Variants in CNTN5 observed in about 807,000 individuals in gnomAD.
CNTN5 encodes the protein contactin-5.
CNTN5 carries 77 observed loss-of-function variants against 129.1 expected under a neutral mutation model. The ratio of observed to expected loss-of-function variants is 0.60; its 90% CI spans 0.50 to 0.72. The LOEUF (loss-of-function observed/expected upper bound fraction) is 0.72. Among genes scored for constraint, CNTN5 ranks in the 30% least tolerant of loss-of-function variants. The pLI is 0.00. For missense variants in CNTN5, 1,478 were observed against 1,328.8 expected (o/e 1.11, Z -1.75); for synonymous variants, 509 against 465.6 (o/e 1.09, Z -1.20).
At chr11:100,024,960 C>T (rs1941345012) in intron 9 of CNTN5, among the ~76,000 whole-genome samples, 1 of 152,166 alleles carries the variant, frequency 6.6e-6, no homozygotes, top group South Asian at 2.1e-4. Flanking sequence ...GACCCATTTT[C>T]TGAGGGGAAA....
Position 100,165,619 on chromosome 11 carries a change from G to C in CNTN5, c.1581-25507G>C, listed in dbSNP as rs924677069. Among the ~76,000 whole-genome samples, 9 of 151,808 alleles carry C rather than the reference G, an allele frequency of 5.9e-5. 1 individual carries two copies. Among genetic ancestry groups the C allele is most frequent in the African/African-American group, 2.2e-4 (9 of 41,486 alleles). ...TCAAAATAGTGAATTCCCTATCTCTGAAAGTTTAAACATAGAAGTTGAATC... is the reference window on the plus strand; with the variant it reads ...TCAAAATAGTGAATTCCCTATCTCTCAAAGTTTAAACATAGAAGTTGAATC... On this transcript the variant is annotated intron_variant, in intron 13 of 24. Coordinates refer to ENST00000524871, the MANE Select transcript of CNTN5 (RefSeq NM_014361.4).
At chr11:99,154,730 C>G (rs1334846313) in intron 1 of CNTN5, among the ~76,000 whole-genome samples, 1 of 152,052 alleles carries the variant, frequency 6.6e-6, no homozygotes, top group Non-Finnish European at 1.5e-5. Context: ...CAGGAAGCAC[C>G]CAGGTTGGAC....
chr11:99,727,591 T>C (rs1323374147), intron 3 of CNTN5, among the ~76,000 whole-genome samples: 1 of 107,782 alleles, frequency 9.3e-6, no homozygotes, highest in African/African-American at 3.8e-5. Flanking sequence ...TAAATTACTA[T>C]TGTCCTTTAA....
At chr11:99,885,009 G>A (rs1421660106) in intron 6 of CNTN5, among the ~76,000 whole-genome samples, 1 of 151,910 alleles carries the variant, frequency 6.6e-6, no homozygotes, top group Admixed American at 6.6e-5. Context: ...AAATCCAGGC[G>A]TGGTGGCTCA....
intron 3 of CNTN5, among the ~76,000 whole-genome samples, chr11:99,573,471 G>C (rs867991899): frequency 1.3e-5 from 2 of 151,986 alleles, no homozygotes; most frequent in South Asian, 4.2e-4. Flanking sequence ...TCGGGAGGCT[G>C]AGGCAGGAGA....
At chr11:99,981,103 T>TATATATATATATATATATATATAC (rs1014330113) in intron 8 of CNTN5, among the ~76,000 whole-genome samples, 11 of 54,494 alleles carry the variant, frequency 2.0e-4, no homozygotes, top group East Asian at 1.5e-3. Flanking sequence ...TATATATATA[T>TATATATATATATATATATATATAC]ACACACACAC....
chr11:99,975,754 A>C (rs1432409245), intron 8 of CNTN5, among the ~76,000 whole-genome samples: 1 of 152,056 alleles, frequency 6.6e-6, no homozygotes. Flanking sequence ...ACATATGGGG[A>C]TTACAATTTG....
intron 3 of CNTN5, among the ~76,000 whole-genome samples, chr11:99,723,179 C>T (rs1255550024): frequency 2.0e-5 from 3 of 151,908 alleles, no homozygotes; most frequent in Non-Finnish European, 4.4e-5. Flanking sequence ...TGTGCATATT[C>T]CTCAACTCCC....
At chr11:100,009,364 G>T (rs558228638) in intron 9 of CNTN5, among the ~76,000 whole-genome samples, 2 of 151,914 alleles carry the variant, frequency 1.3e-5, no homozygotes, top group African/African-American at 4.8e-5. Context: ...TGTCTGTAAA[G>T]GTATTTCCCC....
At chr11:100,208,584 T>G (rs1948961421) in intron 15 of CNTN5, among the ~76,000 whole-genome samples, 1 of 152,130 alleles carries the variant, frequency 6.6e-6, no homozygotes, top group Non-Finnish European at 1.5e-5. Flanking sequence ...CCATACCAGA[T>G]TTAAAGGGTA....
At chr11:99,522,967 A>G (rs1947324487) in intron 2 of CNTN5, among the ~76,000 whole-genome samples, 1 of 152,180 alleles carries the variant, frequency 6.6e-6, no homozygotes, top group South Asian at 2.1e-4. Flanking sequence ...ACACACACTA[A>G]ATTCCAAAAA....
At chr11:99,300,560 A>G (rs750765311) in intron 1 of CNTN5, among the ~76,000 whole-genome samples, 22 of 152,164 alleles carry the variant, frequency 1.4e-4, no homozygotes, top group Admixed American at 2.0e-4. Flanking sequence ...TCATCAGGAT[A>G]TTTGCCTGTA....
chr11:99,312,614 A>G (rs915079434), intron 1 of CNTN5, among the ~76,000 whole-genome samples: 1 of 152,132 alleles, frequency 6.6e-6, no homozygotes, highest in African/African-American at 2.4e-5. Flanking sequence ...ATTGTATGGT[A>G]TTGACAAATT....
chr11:99,696,506 C>T (rs550600282), intron 3 of CNTN5, among the ~76,000 whole-genome samples: 1 of 152,048 alleles, frequency 6.6e-6, no homozygotes, highest in African/African-American at 2.4e-5. Flanking sequence ...GGAACAGTCA[C>T]TATCTGGGTG....
chr11:99,855,170 G>A (rs978192714), intron 6 of CNTN5, among the ~76,000 whole-genome samples: 1 of 151,996 alleles, frequency 6.6e-6, no homozygotes, highest in African/African-American at 2.4e-5. Context: ...TCAGCCAGAC[G>A]TGGCAGTTTG....
intron 2 of CNTN5, among the ~76,000 whole-genome samples, chr11:99,503,884 G>A (rs1194439568): frequency 6.6e-6 from 1 of 151,996 alleles, no homozygotes; most frequent in Non-Finnish European, 1.5e-5. Context: ...CAATAAATAT[G>A]AACCAAATTG....
At chr11:99,113,371 G>A (rs1190147190) in intron 1 of CNTN5, among the ~76,000 whole-genome samples, 2 of 151,960 alleles carry the variant, frequency 1.3e-5, no homozygotes, top group East Asian at 3.9e-4. Flanking sequence ...TTAACATCTT[G>A]AGTGTGGGAA....
At chr11:99,649,837 G>GC (rs1952090530) in intron 3 of CNTN5, among the ~76,000 whole-genome samples, 1 of 151,618 alleles carries the variant, frequency 6.6e-6, no homozygotes, top group Non-Finnish European at 1.5e-5. Flanking sequence ...CTGAAGTATT[G>GC]CCAATACTTT....
chr11:99,447,940 A>T (rs1944138649), intron 2 of CNTN5, among the ~76,000 whole-genome samples: 4 of 152,182 alleles, frequency 2.6e-5, no homozygotes, highest in Admixed American at 2.6e-4. Flanking sequence ...AAAATAAAAT[A>T]AAAAAGTACT....
Sources: allele counts gnomAD v4.1 joint callset (sites outside exome capture counted in the v4.1 genomes callset), GRCh38; gene constraint gnomAD v4.1.1; transcripts MANE v1.5; gene names NCBI Gene and HGNC (gene_info 2026-07-23, HGNC 2026-07-21).